The following TTC28 variants were observed in gnomAD, a reference collection of about 807,000 sequenced individuals.
TTC28 encodes tetratricopeptide repeat domain 28, also known as tetratricopeptide repeat protein 28.
Under a neutral mutation model 198.0 loss-of-function variants are expected in TTC28, and 61 were observed. The observed-to-expected ratio is 0.31, with a 90% confidence interval of 0.25 to 0.38. The LOEUF (loss-of-function observed/expected upper bound fraction) is 0.38. TTC28 is among the 10% of genes least tolerant of loss of function. The pLI is 1.00. For synonymous variants in TTC28, 1,171 were observed against 1,297.8 expected (o/e 0.90, Z 2.10); for missense variants, 2,678 against 3,164.0 (o/e 0.85, Z 3.69).
chr22:28,158,082 T>A (rs1247430127), intron 6 of TTC28, among the ~76,000 whole-genome samples: 3 of 151,256 alleles, frequency 2.0e-5, no homozygotes, highest in African/African-American at 7.3e-5. Flanking sequence ...GGATACAAAA[T>A]CAACATACAA....
At chr22:28,201,757 A>C (rs1382967208) in intron 5 of TTC28, among the ~76,000 whole-genome samples, 1 of 151,514 alleles carries the variant, frequency 6.6e-6, no homozygotes, top group Non-Finnish European at 1.5e-5. Flanking sequence ...AAAGCAAAAA[A>C]AAAAAAAAAA....
rs1045770740 is a variant in TTC28, at chr22:28,105,244, T to C, written c.3307+35A>G. The C allele has an allele frequency of 9.8e-6, 15 of 1,532,426 alleles. No individual in the cohort carries two copies. In the African/African-American group the frequency reaches 1.2e-4, roughly 13 times the overall value. 94.9% of individuals were successfully genotyped at this position (1,532,426 alleles called of 1,614,324 possible). On this transcript the variant is annotated intron_variant, in intron 8 of 22. Coordinates refer to ENST00000397906, the MANE Select transcript of TTC28 (RefSeq NM_001145418.2). Reference sequence around the variant, plus strand: ...TTCTGACTCTGAACTTGATTTCAAGTAGGCCAAGAGAACACAATGGGCCTT... The same window carrying C: ...TTCTGACTCTGAACTTGATTTCAAGCAGGCCAAGAGAACACAATGGGCCTT...
intron 5 of TTC28, among the ~76,000 whole-genome samples, chr22:28,188,125 G>A (rs931758480): frequency 1.3e-5 from 2 of 152,148 alleles, no homozygotes; most frequent in African/African-American, 4.8e-5. Context: ...GTAAGTGCAA[G>A]AGACTTCCAG....
At position 28,424,477 on chromosome 22, in the gene TTC28, T is replaced by C. The variant is rs117823468; in HGVS notation, c.382-117834A>G. 6.1e-3 allele frequency among the ~76,000 whole-genome samples: 924 copies of C among 152,322 alleles called. 16 individuals carry two copies. Among genetic ancestry groups the C allele is most frequent in the Middle Eastern group, 0.014 (4 of 294 alleles). ...TGTATTATAATTAAATATTAATATA[T>C]GTTTCCTAACTATACTCTGACAGAG... On this transcript the variant is annotated intron_variant, in intron 2 of 22. Coordinates refer to ENST00000397906, the MANE Select transcript of TTC28 (RefSeq NM_001145418.2).
chr22:28,159,525 G>A (rs560999770), intron 6 of TTC28, among the ~76,000 whole-genome samples: 13 of 152,142 alleles, frequency 8.5e-5, no homozygotes, highest in Admixed American at 2.0e-4. Context: ...GCGTGGTGGC[G>A]TGAGCCTACT....
chr22:28,019,280 A>T (rs1938499316), intron 13 of TTC28, among the ~76,000 whole-genome samples: 1 of 152,170 alleles, frequency 6.6e-6, no homozygotes. Flanking sequence ...ACTGATGATC[A>T]ATCCAACTGG....
At chr22:28,273,030 C>T (rs1380475470) in intron 5 of TTC28, among the ~76,000 whole-genome samples, 1 of 152,144 alleles carries the variant, frequency 6.6e-6, no homozygotes, top group South Asian at 2.1e-4. Context: ...CTGGTAAGTA[C>T]CTCAGATTTA....
In TTC28 at chr22:27,983,401, G is replaced by A; in HGVS notation, c.6266C>T (p.Thr2089Ile). The change falls in exon 23 of 23, where the codon ACA (threonine) becomes ATA (isoleucine). Residue 2089 changes from threonine to isoleucine, a missense_variant. Thr to Ile is a moderately conservative substitution (Grantham distance 89). Transcript: ENST00000397906. ...CACCGAGACTCTCATGCCTCCGGCT[G>A]TCCCAGGTTGGGGTTGTTTGTGGTC... is the stretch of plus-strand genomic sequence containing the variant. ...SPDHKQPQPG[T>I]AGGMRVSVSS... 2 of 1,551,260 alleles carry A rather than the reference G, an allele frequency of 1.3e-6. No homozygotes were observed. Among genetic ancestry groups the A allele is most frequent in the Non-Finnish European group, 1.7e-6 (2 of 1,147,010 alleles).
intron 13 of TTC28, among the ~76,000 whole-genome samples, chr22:28,018,247 G>GTA (rs1279473269): frequency 8.9e-6 from 1 of 112,284 alleles, no homozygotes; most frequent in Non-Finnish European, 1.9e-5. Flanking sequence ...GCTATTCAGT[G>GTA]TGTGTGTGTG....
intron 2 of TTC28, among the ~76,000 whole-genome samples, chr22:28,546,313 G>A (rs2049540277): frequency 6.6e-6 from 1 of 152,172 alleles, no homozygotes; most frequent in Non-Finnish European, 1.5e-5. Flanking sequence ...AGGTGTGGTG[G>A]TGCACACCTG....
intron 2 of TTC28, among the ~76,000 whole-genome samples, chr22:28,435,247 A>G (rs566568938): frequency 6.6e-6 from 1 of 152,320 alleles, no homozygotes; most frequent in African/African-American, 2.4e-5. Context: ...ACACCCTAAC[A>G]GAATACTCTA....
intron 2 of TTC28, among the ~76,000 whole-genome samples, chr22:28,388,020 T>G (rs2046642684): frequency 6.6e-6 from 1 of 152,216 alleles, no homozygotes; most frequent in African/African-American, 2.4e-5. Flanking sequence ...TTGATTTTTG[T>G]ATAAGGTGTA....
intron 2 of TTC28, among the ~76,000 whole-genome samples, chr22:28,491,831 T>C (rs1365870703): frequency 2.0e-5 from 3 of 152,146 alleles, no homozygotes; most frequent in Admixed American, 1.3e-4. Context: ...TGTGGCACTA[T>C]TCACAATAGC....
intron 5 of TTC28, among the ~76,000 whole-genome samples, chr22:28,199,862 T>A (rs1925772958): frequency 6.6e-6 from 1 of 152,002 alleles, no homozygotes; most frequent in Non-Finnish European, 1.5e-5. Flanking sequence ...AAAGGGTACA[T>A]TCATTTTATC....
intron 6 of TTC28, among the ~76,000 whole-genome samples, chr22:28,137,686 T>C (rs1024192635): frequency 1.3e-5 from 2 of 151,954 alleles, no homozygotes; most frequent in African/African-American, 4.8e-5. Flanking sequence ...AGAAGTCATA[T>C]AATATGACTT....
chr22:28,357,610 C>T (rs1170896819), intron 2 of TTC28, among the ~76,000 whole-genome samples: 1 of 152,164 alleles, frequency 6.6e-6, no homozygotes, highest in African/African-American at 2.4e-5. Flanking sequence ...CAAGCCCAGC[C>T]ACTTTTATCA....
intron 2 of TTC28, among the ~76,000 whole-genome samples, chr22:28,565,971 G>A: frequency 6.6e-6 from 1 of 152,208 alleles, no homozygotes; most frequent in East Asian, 1.9e-4. Flanking sequence ...AAAAGTAGGA[G>A]AGAGTTTTGC....
At chr22:28,552,780 C>T (rs1338579611) in intron 2 of TTC28, among the ~76,000 whole-genome samples, 2 of 147,646 alleles carry the variant, frequency 1.4e-5, no homozygotes, top group African/African-American at 2.5e-5. Flanking sequence ...CCTCCCCCTC[C>T]CCCTCTCCCC....
intron 12 of TTC28, among the ~76,000 whole-genome samples, chr22:28,038,647 A>G (rs980046552): frequency 6.6e-6 from 1 of 152,252 alleles, no homozygotes; most frequent in African/African-American, 2.4e-5. Flanking sequence ...AGCAATGGCA[A>G]CAAAAGCCAA....
Sources: gnomAD v4.1 joint callset for allele counts (sites outside exome capture counted in the v4.1 genomes callset) on GRCh38, gnomAD v4.1.1 for gene constraint, MANE v1.5 for transcripts, NCBI Gene and HGNC (gene_info 2026-07-23, HGNC 2026-07-21) for gene names.